PLCB4: variants seen among roughly 807,000 people sequenced by gnomAD.
The protein encoded by PLCB4 is 1-phosphatidylinositol 4,5-bisphosphate phosphodiesterase beta-4.
PLCB4 carries 77 observed loss-of-function variants against 178.8 expected under a neutral mutation model. The ratio of observed to expected loss-of-function variants is 0.43; its 90% confidence interval spans 0.36 to 0.52. The LOEUF is 0.52. PLCB4 is among the 20% of genes least tolerant of loss of function. The pLI, the probability that PLCB4 is intolerant of heterozygous loss-of-function variation, is 0.00. For missense variants in PLCB4, 1,024 were observed against 1,453.4 expected, an observed-to-expected ratio of 0.70 and a Z score of 4.80; for synonymous variants, 496 against 490.8, an observed-to-expected ratio of 1.01 and a Z score of -0.14.
chr20:9,165,286 G>A (rs111326729), intron 2 of PLCB4, among the ~76,000 whole-genome samples: 106 of 152,262 alleles, frequency 7.0e-4, no homozygotes, highest in African/African-American at 2.3e-3. Context: ...GCTTCCATTC[G>A]CTATACTTTC....
chr20:9,380,188 A>G (rs746760262), intron 13 of PLCB4, 26 bp downstream of exon 13: 1 of 1,102,776 alleles, frequency 9.1e-7, no homozygotes, highest in Non-Finnish European at 1.3e-6. Flanking sequence ...AAAGGACTTA[A>G]AAAAAAAAAC....
At chr20:9,373,154 C>A in intron 12 of PLCB4, 50 bp downstream of exon 12, 1 of 889,894 alleles carries the variant, frequency 1.1e-6, no homozygotes, top group Non-Finnish European at 1.9e-6. Flanking sequence ...CAGTGGCTTG[C>A]CTTCTCTGGT....
At chr20:9,467,638 A>G (rs2043887640) in intron 35 of PLCB4, among the ~76,000 whole-genome samples, 1 of 152,164 alleles carries the variant, frequency 6.6e-6, no homozygotes, top group African/African-American at 2.4e-5. Flanking sequence ...AGAAAGGTCA[A>G]TTTCCTAACA....
chr20:9,399,602 G>A (rs1019864287), intron 19 of PLCB4, among the ~76,000 whole-genome samples: 1 of 152,202 alleles, frequency 6.6e-6, no homozygotes, highest in Non-Finnish European at 1.5e-5. Context: ...TGGCTCCCAG[G>A]ATAGGAGACA....
chr20:9,229,559 A>G (rs372510160), intron 3 of PLCB4, among the ~76,000 whole-genome samples: 7 of 152,128 alleles, frequency 4.6e-5, no homozygotes, highest in Admixed American at 2.6e-4. Context: ...TCAAGGTTCC[A>G]TTGGAGTTGG....
In PLCB4 at chr20:9,425,040, T is replaced by A. The variant is rs563853688; in HGVS notation, c.2524+1088T>A. ...AGTCCAGGCTCCTTCCTCCTTCTCC[T>A]TTGTCTTTCATAAAAAAAAAAAAGG... On this transcript the variant is annotated intron_variant, in intron 28 of 39. Coordinates refer to ENST00000378473, the MANE Select transcript of PLCB4 (RefSeq NM_001377142.1). Among the ~76,000 whole-genome samples the A allele has an allele frequency of 4.7e-5, 7 of 149,746 alleles. No individual in the cohort carries two copies. The South Asian group carries it at 1.5e-3, about 31-fold the overall frequency.
intron 3 of PLCB4, among the ~76,000 whole-genome samples, chr20:9,296,706 T>C (rs1244712728): frequency 6.6e-6 from 1 of 152,082 alleles, no homozygotes; most frequent in Non-Finnish European, 1.5e-5. Context: ...ATGTCCTTTG[T>C]AGGGACATGG....
At chr20:9,235,492 G>A (rs1477281411) in intron 3 of PLCB4, among the ~76,000 whole-genome samples, 2 of 152,080 alleles carry the variant, frequency 1.3e-5, no homozygotes, top group Non-Finnish European at 2.9e-5. Flanking sequence ...TTCTGTAGTG[G>A]ACAACAAACT....
rs577037150 is a variant in PLCB4, at chr20:9,315,950, T to TA, written c.84+8061dup. 4.6e-4 allele frequency among the ~76,000 whole-genome samples: 68 copies of TA among 148,706 alleles called. 1 individual carries two copies. In the Middle Eastern group the frequency reaches 0.01, roughly 23 times the overall value. On this transcript the variant is annotated intron_variant, in intron 4 of 39. Coordinates refer to ENST00000378473, the MANE Select transcript of PLCB4 (RefSeq NM_001377142.1). ...AGCGAGATTCTGTCTAAAAAAAAATTAAAAAAAAAGAGCCAGTTTGGCCAA... is the reference window on the plus strand; with the variant it reads ...AGCGAGATTCTGTCTAAAAAAAAATTAAAAAAAAAAGAGCCAGTTTGGCCAA...
intron 3 of PLCB4, among the ~76,000 whole-genome samples, chr20:9,227,154 A>G (rs1402261047): frequency 6.7e-6 from 1 of 148,832 alleles, no homozygotes; most frequent in Non-Finnish European, 1.5e-5. Flanking sequence ...TGCTTTTTTG[A>G]TGTTGTTGAA....
intron 30 of PLCB4, among the ~76,000 whole-genome samples, chr20:9,438,170 T>A (rs2041891556): frequency 6.6e-6 from 1 of 151,796 alleles, no homozygotes; most frequent in Admixed American, 6.6e-5. Context: ...ATCGAGACCA[T>A]CCTGGCTAAC....
chr20:9,275,084 A>G (rs1169983308), intron 3 of PLCB4, among the ~76,000 whole-genome samples: 2 of 152,064 alleles, frequency 1.3e-5, no homozygotes, highest in Non-Finnish European at 2.9e-5. Context: ...TTATTGTATT[A>G]GCCCGTTTTC....
At chr20:9,083,253 A>G (rs188907053) in intron 1 of PLCB4, among the ~76,000 whole-genome samples, 51 of 152,270 alleles carry the variant, frequency 3.3e-4, no homozygotes, top group Non-Finnish European at 6.2e-4. Context: ...TTATTGCAGA[A>G]GGGTTATGGT....
intron 3 of PLCB4, among the ~76,000 whole-genome samples, chr20:9,258,897 C>T (rs2147531128): frequency 6.6e-6 from 1 of 152,004 alleles, no homozygotes; most frequent in East Asian, 1.9e-4. Context: ...TTGATCACCC[C>T]AGATCATTCC....
chr20:9,478,781 G>A, intron 39 of PLCB4, 140 bp from the exon 40 acceptor site: 1 of 657,802 alleles, frequency 1.5e-6, no homozygotes, highest in South Asian at 1.8e-5. Flanking sequence ...CAATGCTGAT[G>A]CTGCTTGTAC....
At position 9,408,161 on chromosome 20, in the gene PLCB4, G is replaced by C. The variant is rs557197025; in HGVS notation, c.1789+103G>C. 3.1e-4 allele frequency: 298 copies of C among 959,578 alleles called. 1 individual carries two copies. In the African/African-American group the frequency reaches 4.1e-3, roughly 13 times the overall value. 59.4% of individuals were successfully genotyped at this position (959,578 alleles called of 1,614,324 possible). On this transcript the variant is annotated intron_variant, in intron 22 of 39. Transcript: ENST00000378473. ...GTTGCCATTTTTCTTTGTGGGCATG[G>C]GGGCTGTTCCACCTCACCTTATTTT...
intron 3 of PLCB4, among the ~76,000 whole-genome samples, chr20:9,305,914 T>A (rs2094760003): frequency 6.6e-6 from 1 of 152,208 alleles, no homozygotes; most frequent in South Asian, 2.1e-4. Flanking sequence ...AGAGATTTCA[T>A]CATTTCTGCA....
intron 1 of PLCB4, among the ~76,000 whole-genome samples, chr20:9,078,356 C>CTCTTT (rs10626082): frequency 0.86 from 130,464 of 151,258 alleles, 56,777 homozygotes; most frequent in East Asian, 1. Flanking sequence ...TTCTTTTCTT[C>CTCTTT]TCTTTTCTTT....
chr20:9,207,912 T>C (rs1001403315), intron 2 of PLCB4, among the ~76,000 whole-genome samples: 7 of 152,338 alleles, frequency 4.6e-5, no homozygotes, highest in Admixed American at 4.6e-4. Flanking sequence ...ATTATTTTCT[T>C]TTTTAAAGAG....
Sources: gnomAD v4.1 joint callset for allele counts (sites outside exome capture counted in the v4.1 genomes callset) on GRCh38, gnomAD v4.1.1 for gene constraint, MANE v1.5 for transcripts, NCBI Gene and HGNC (gene_info 2026-07-23, HGNC 2026-07-21) for gene names.